Variants in COL28A1 observed in about 807,000 individuals in gnomAD.
COL28A1 encodes the protein collagen type XXVIII alpha 1 chain.
COL28A1 carries 161 observed loss-of-function variants against 150.2 expected under a neutral mutation model. That is an observed-to-expected ratio of 1.07 (90% CI 0.94 to 1.22). The LOEUF is 1.22. Ranked by LOEUF, COL28A1 falls within the 50% of genes most tolerant of loss-of-function variation. The pLI is 0.00. For synonymous variants in COL28A1, 552 were observed against 469.7 expected (o/e 1.18, Z -2.26); for missense variants, 1,617 against 1,388.3 (o/e 1.16, Z -2.62).
intron 20 of COL28A1, among the ~76,000 whole-genome samples, chr7:7,443,266 T>C (rs1454760293): frequency 6.6e-6 from 1 of 152,246 alleles, no homozygotes; most frequent in Non-Finnish European, 1.5e-5. Flanking sequence ...AGAAAATTTA[T>C]GGACTGTCAA....
chr7:7,535,451 AT>A (rs1422593382), intron 1 of COL28A1, among the ~76,000 whole-genome samples: 1 of 152,174 alleles, frequency 6.6e-6, no homozygotes. Flanking sequence ...CTAATTCTGA[AT>A]TGTAAACCCT....
chr7:7,503,266 T>C (rs1562852182), intron 11 of COL28A1, among the ~76,000 whole-genome samples: 1 of 152,230 alleles, frequency 6.6e-6, no homozygotes, highest in African/African-American at 2.4e-5. Context: ...GCTTAAACTC[T>C]TTGTGCCTTA....
At chr7:7,363,806 T>C (rs1780796528) in intron 33 of COL28A1, among the ~76,000 whole-genome samples, 1 of 152,178 alleles carries the variant, frequency 6.6e-6, no homozygotes, top group Non-Finnish European at 1.5e-5. Context: ...TTTATTATTA[T>C]TATTTTGAAG....
rs546114004 is a variant in COL28A1, at chr7:7,413,096, G to A, written c.2136+4763C>T. ...AGGTTGATCTGTTAGGCCTGTGACT[G>A]TGTGACCACTGCAGTCATTACTATT... On this transcript the variant is annotated intron_variant, in intron 27 of 34. Coordinates refer to ENST00000399429, the MANE Select transcript of COL28A1 (RefSeq NM_001037763.3). 3.3e-5 allele frequency among the ~76,000 whole-genome samples: 5 copies of A among 152,196 alleles called. No homozygotes were observed. In the South Asian group the frequency reaches 1.0e-3, roughly 32 times the overall value.
intron 14 of COL28A1, among the ~76,000 whole-genome samples, chr7:7,475,507 A>C (rs1788791441): frequency 6.6e-6 from 1 of 152,198 alleles, no homozygotes; most frequent in Non-Finnish European, 1.5e-5. Context: ...CTTTGATGAG[A>C]TAGAGGTCAA....
intron 27 of COL28A1, among the ~76,000 whole-genome samples, chr7:7,393,278 T>C (rs1402704366): frequency 6.6e-6 from 1 of 152,210 alleles, no homozygotes; most frequent in African/African-American, 2.4e-5. Flanking sequence ...TGCCTGGGCA[T>C]TACCAGTGGA....
At chr7:7,537,211 C>T (rs1210424517), upstream of COL28A1, among the ~76,000 whole-genome samples, 2 of 152,194 alleles carry the variant, frequency 1.3e-5, no homozygotes, top group Non-Finnish European at 2.9e-5. Flanking sequence ...CAGGAACCAG[C>T]CCTGGACAGG....
At chr7:7,448,771 T>A (rs942184345) in intron 18 of COL28A1, among the ~76,000 whole-genome samples, 1 of 152,002 alleles carries the variant, frequency 6.6e-6, no homozygotes, top group African/African-American at 2.4e-5. Flanking sequence ...TATTCAGCAA[T>A]ACAAAGGAAT....
At chr7:7,456,864 G>A (rs948240086) in intron 15 of COL28A1, among the ~76,000 whole-genome samples, 2 of 152,170 alleles carry the variant, frequency 1.3e-5, no homozygotes, top group African/African-American at 4.8e-5. Flanking sequence ...TAAGTGTGAA[G>A]GAGAAAAATT....
intron 15 of COL28A1, among the ~76,000 whole-genome samples, chr7:7,457,136 T>C (rs928096376): frequency 2.0e-5 from 3 of 152,140 alleles, no homozygotes; most frequent in Admixed American, 6.5e-5. Context: ...AGTGGGGCCT[T>C]TGAGGCCACT....
Position 7,388,222 on chromosome 7 carries a change from C to CATTTT in COL28A1, c.2137-6611_2137-6610insAAAAT, listed in dbSNP as rs532098930. On this transcript the variant is annotated intron_variant, in intron 27 of 34. Transcript: ENST00000399429. ...GTTCCCCTCCCTGTACCCATGTGTT[C>CATTTT]TCATTTTTCAACTCCCAGTTATGAG... Among the ~76,000 whole-genome samples the CATTTT allele has an allele frequency of 6.7e-4, 102 of 151,706 alleles. 1 individual carries two copies. The South Asian group carries it at 8.6e-3, about 13-fold the overall frequency.
chr7:7,497,332 T>G (rs762333272), intron 11 of COL28A1, among the ~76,000 whole-genome samples: 1 of 152,248 alleles, frequency 6.6e-6, no homozygotes, highest in Non-Finnish European at 1.5e-5. Flanking sequence ...GCACTTACTA[T>G]GCAAGAAGTG....
intron 9 of COL28A1, among the ~76,000 whole-genome samples, chr7:7,508,990 T>C (rs1434049990): frequency 1.3e-5 from 2 of 152,226 alleles, no homozygotes; most frequent in East Asian, 1.9e-4. Context: ...TGCACCACCA[T>C]GCCCAGCTAA....
rs1344087575 is a variant in COL28A1, at chr7:7,358,358, T to C, written c.*275A>G. The C allele has an allele frequency of 6.5e-6, 2 of 306,184 alleles. No homozygotes were observed. The highest frequency in any genetic ancestry group is 6.0e-5 in the South Asian group (1 of 16,802). The allele number at this position is 306,184 out of a possible 1,614,324, so 19.0% of individuals were successfully genotyped here. Reference sequence around the variant, plus strand: ...TTGTGAAGTAGATAGAGTCTGTGTATTGAAGTTACACAGCTCTAAGTCTAA... The same window carrying C: ...TTGTGAAGTAGATAGAGTCTGTGTACTGAAGTTACACAGCTCTAAGTCTAA... On this transcript the variant is annotated 3_prime_UTR_variant, in exon 35 of 35. Coordinates refer to ENST00000399429, the MANE Select transcript of COL28A1 (RefSeq NM_001037763.3).
chr7:7,417,550 A>AGGGAGGGAGG (rs1784169663), intron 27 of COL28A1: 1 of 97,148 alleles, frequency 1.0e-5, no homozygotes, highest in African/African-American at 4.1e-5. Context: ...GGGGGGGGGG[A>AGGGAGGGAGG]GAGAGAGAGA....
intron 22 of COL28A1, among the ~76,000 whole-genome samples, chr7:7,436,749 TTGAG>T (rs1434420732): frequency 6.6e-6 from 1 of 152,162 alleles, no homozygotes; most frequent in African/African-American, 2.4e-5. Context: ...GCTCTTAAAA[TTGAG>T]TGAAGGCCAG....
At chr7:7,491,761 G>A (rs570254715) in intron 11 of COL28A1, among the ~76,000 whole-genome samples, 20 of 152,320 alleles carry the variant, frequency 1.3e-4, no homozygotes, top group South Asian at 6.2e-4. Flanking sequence ...AGGTCTCTCC[G>A]GCTTTAAGCC....
downstream of COL28A1, among the ~76,000 whole-genome samples, chr7:7,351,562 T>C (rs183599968): frequency 1.8e-4 from 28 of 152,280 alleles, no homozygotes; most frequent in East Asian, 5.2e-3. Context: ...TAAGAGCCCA[T>C]ATTTTCTTAA....
At chr7:7,486,551 C>A (rs556671184) in intron 13 of COL28A1, among the ~76,000 whole-genome samples, 1 of 152,128 alleles carries the variant, frequency 6.6e-6, no homozygotes, top group Non-Finnish European at 1.5e-5. Flanking sequence ...TTCACTATTA[C>A]GCATAATGTT....
Sources: gnomAD v4.1 joint callset for allele counts (sites outside exome capture counted in the v4.1 genomes callset) on GRCh38, gnomAD v4.1.1 for gene constraint, MANE v1.5 for transcripts, NCBI Gene and HGNC (gene_info 2026-07-23, HGNC 2026-07-21) for gene names.